The following ASIC2 variants were observed in gnomAD, a reference collection of about 807,000 sequenced individuals.
The protein encoded by ASIC2 is acid sensing ion channel subunit 2.
A neutral mutation model predicts 57.3 loss-of-function variants in ASIC2; 25 were observed. That is an observed-to-expected ratio of 0.44 (90% CI 0.32 to 0.61). The LOEUF is 0.61. ASIC2 is among the 20% of genes least tolerant of loss of function. ASIC2 has a pLI of 0.06. For synonymous variants in ASIC2, 319 were observed against 307.5 expected, an observed-to-expected ratio of 1.04 and a Z score of -0.39; for missense variants, 641 against 738.1, an observed-to-expected ratio of 0.87 and a Z score of 1.52.
chr17:33,323,732 A>C (rs555730133), intron 1 of ASIC2, among the ~76,000 whole-genome samples: 2 of 152,314 alleles, frequency 1.3e-5, no homozygotes, highest in Non-Finnish European at 2.9e-5. Context: ...CCCCCGCCCC[A>C]AAAAAGAAAT....
In ASIC2 at chr17:33,305,563, T is replaced by C. The variant is rs376140470; in HGVS notation, c.556-193496A>G. ...AACTAAAAAACATAAAAAAGATGTT[T>C]AAAATGATGTCATTTAATGTTGGGG... On this transcript the variant is annotated intron_variant, in intron 1 of 9. Transcript: ENST00000359872. 2.4e-4 allele frequency among the ~76,000 whole-genome samples: 36 copies of C among 152,318 alleles called. No homozygotes were observed. The East Asian group carries it at 2.7e-3, about 11-fold the overall frequency.
At chr17:33,184,317 A>G (rs1371380038) in intron 1 of ASIC2, among the ~76,000 whole-genome samples, 1 of 152,202 alleles carries the variant, frequency 6.6e-6, no homozygotes, top group Non-Finnish European at 1.5e-5. Context: ...ACCATCTGGA[A>G]CATATCAGTC....
At chr17:33,352,348 C>G (rs183099301) in intron 1 of ASIC2, among the ~76,000 whole-genome samples, 1 of 152,164 alleles carries the variant, frequency 6.6e-6, no homozygotes, top group East Asian at 1.9e-4. Context: ...CCAGTGAGCC[C>G]CCTCCATGAG....
At chr17:33,659,820 C>G (rs561038562) in intron 1 of ASIC2, among the ~76,000 whole-genome samples, 1 of 151,306 alleles carries the variant, frequency 6.6e-6, no homozygotes, top group African/African-American at 2.4e-5. Context: ...TGCAGTGAGC[C>G]GAGATCGCGC....
chr17:33,427,310 A>G (rs771604550), intron 1 of ASIC2, among the ~76,000 whole-genome samples: 8 of 152,240 alleles, frequency 5.3e-5, no homozygotes, highest in Admixed American at 1.3e-4. Flanking sequence ...CAAAGATTTG[A>G]ACAAGTATTT....
rs141619101 is a variant in ASIC2 at position 33,102,477 on chromosome 17, C to T, written c.859+9440G>A. 3.9e-5 allele frequency among the ~76,000 whole-genome samples: 6 copies of T among 152,246 alleles called. No individual in the cohort carries two copies. The East Asian group carries it at 1.2e-3, about 29-fold the overall frequency. Reference sequence around the variant, plus strand: ...TGGTTTTTTGTTTTTGACGCTATTGCAGACAGGAGTTGGTGAGCTTTTTCC... The same window carrying T: ...TGGTTTTTTGTTTTTGACGCTATTGTAGACAGGAGTTGGTGAGCTTTTTCC... On this transcript the variant is annotated intron_variant, in intron 2 of 9. Transcript: ENST00000225823.
chr17:33,952,237 G>C (rs189444804), intron 1 of ASIC2, among the ~76,000 whole-genome samples: 18 of 152,216 alleles, frequency 1.2e-4, no homozygotes, highest in African/African-American at 4.1e-4. Context: ...TCCAAATTTT[G>C]TGTAGCTTAG....
intron 1 of ASIC2, among the ~76,000 whole-genome samples, chr17:33,531,318 G>T (rs1915044136): frequency 6.6e-6 from 1 of 152,132 alleles, no homozygotes; most frequent in South Asian, 2.1e-4. Flanking sequence ...AGGGGGCAGT[G>T]GGTGGGGGTT....
chr17:33,369,201 C>A (rs1219116812), intron 1 of ASIC2, among the ~76,000 whole-genome samples: 2 of 152,164 alleles, frequency 1.3e-5, no homozygotes, highest in African/African-American at 2.4e-5. Context: ...CAAGAACCTG[C>A]CATAGACCCC....
At chr17:34,139,397 T>A (rs957022288) in intron 1 of ASIC2, among the ~76,000 whole-genome samples, 5 of 152,232 alleles carry the variant, frequency 3.3e-5, no homozygotes, top group African/African-American at 1.2e-4. Context: ...GGAAAACTGG[T>A]TTGTTTTCTT....
At chr17:33,022,451 T>C (rs1302488203) in intron 6 of ASIC2, among the ~76,000 whole-genome samples, 1 of 152,194 alleles carries the variant, frequency 6.6e-6, no homozygotes, top group African/African-American at 2.4e-5. Flanking sequence ...AATGCAAATT[T>C]GAGTCTGTCA....
intron 1 of ASIC2, among the ~76,000 whole-genome samples, chr17:34,086,308 T>C (rs1417065343): frequency 6.6e-6 from 1 of 152,220 alleles, no homozygotes; most frequent in Non-Finnish European, 1.5e-5. Context: ...CAAGTAGTCA[T>C]TCAGGAGCAG....
chr17:33,021,606 C>T (rs1567718809), intron 6 of ASIC2, among the ~76,000 whole-genome samples: 1 of 152,244 alleles, frequency 6.6e-6, no homozygotes, highest in Non-Finnish European at 1.5e-5. Flanking sequence ...CTCTGCGCCT[C>T]CAAAGGGCCT....
chr17:34,039,895 GCCGCT>G (rs1908041950), intron 1 of ASIC2: 22 of 1,572,954 alleles, frequency 1.4e-5, no homozygotes, highest in Non-Finnish European at 1.7e-5. Context: ...CGCCGCCGCT[GCCGCT>G]CCACGCTCCT....
intron 1 of ASIC2, among the ~76,000 whole-genome samples, chr17:34,040,143 C>T (rs1908065495): frequency 9.5e-6 from 1 of 104,978 alleles, no homozygotes; most frequent in Non-Finnish European, 1.8e-5. Context: ...CGGGCGGCCA[C>T]GGGACCGGCC....
intron 1 of ASIC2, among the ~76,000 whole-genome samples, chr17:33,445,492 C>G (rs207476369): frequency 2.0e-5 from 3 of 151,828 alleles, no homozygotes; most frequent in Non-Finnish European, 4.4e-5. Context: ...CAAGACTGAT[C>G]TGCTACATAC....
chr17:33,758,123 G>T (rs1347561545), intron 1 of ASIC2, among the ~76,000 whole-genome samples: 2 of 152,132 alleles, frequency 1.3e-5, no homozygotes, highest in Non-Finnish European at 2.9e-5. Context: ...GTACATGGTG[G>T]CTGAAGATCA....
At chr17:33,088,519 C>T (rs890649675) in intron 3 of ASIC2, among the ~76,000 whole-genome samples, 1 of 151,646 alleles carries the variant, frequency 6.6e-6, no homozygotes, top group Non-Finnish European at 1.5e-5. Flanking sequence ...AGTGATGAAA[C>T]ATATCAAGCC....
At chr17:34,038,833 A>T (rs1387841490) in intron 1 of ASIC2, 1 of 1,612,092 alleles carries the variant, frequency 6.2e-7, no homozygotes, top group East Asian at 2.2e-5. Context: ...CCATGGCAGG[A>T]GGTTTCCGCT....
Sources: allele counts gnomAD v4.1 joint callset (sites outside exome capture counted in the v4.1 genomes callset), GRCh38; gene constraint gnomAD v4.1.1; transcripts MANE v1.5; gene names NCBI Gene and HGNC (gene_info 2026-07-23, HGNC 2026-07-21).